SPIDR: variants seen among roughly 807,000 people sequenced by gnomAD.
SPIDR encodes the protein scaffold protein involved in DNA repair, also known as DNA repair-scaffolding protein.
SPIDR carries 93 observed loss-of-function variants against 104.6 expected under a neutral mutation model. That is an observed-to-expected ratio of 0.89 (90% CI 0.75 to 1.06). The LOEUF (loss-of-function observed/expected upper bound fraction) is 1.06. Among genes scored for constraint, SPIDR ranks in the 50% least tolerant of loss-of-function variants. SPIDR has a pLI of 0.00. For missense variants in SPIDR, 1,154 were observed against 1,111.2 expected (o/e 1.04, Z -0.55); for synonymous variants, 431 against 416.9 (o/e 1.03, Z -0.41).
chr8:47,700,285 C>T lies in SPIDR; in HGVS notation c.1686-118C>T, dbSNP rs865954595. The T allele has an allele frequency of 1.0e-5, 11 of 1,059,080 alleles. No individual in the cohort carries two copies. The Middle Eastern group carries it at 6.1e-4, about 59-fold the overall frequency. 65.6% of individuals were successfully genotyped at this position (1,059,080 alleles called of 1,614,324 possible). On this transcript the variant is annotated intron_variant, in intron 11 of 19. Transcript: ENST00000297423. ...TCCCCCTCTGAATCGCCACACATCT[C>T]GAATTGTAGTTCCATGGCCTTAGGC...
rs141926718 is a variant in SPIDR, at chr8:47,348,443, G to A, written c.526-47933G>A. Among the ~76,000 whole-genome samples the A allele has an allele frequency of 7.1e-4, 108 of 152,146 alleles. 1 individual carries two copies. In the East Asian group the frequency reaches 0.019, roughly 27 times the overall value. On this transcript the variant is annotated intron_variant, in intron 5 of 19. Coordinates refer to ENST00000297423, the MANE Select transcript of SPIDR (RefSeq NM_001080394.4). ...TATGTGTCTTGGAGTTGCTCTTCTCGAGGAGTATCTTTGTGTCGTTCTCTG... is the reference window on the plus strand; with the variant it reads ...TATGTGTCTTGGAGTTGCTCTTCTCAAGGAGTATCTTTGTGTCGTTCTCTG...
intron 10 of SPIDR, among the ~76,000 whole-genome samples, chr8:47,645,793 C>A (rs1479159448): frequency 1.3e-5 from 2 of 151,900 alleles, no homozygotes; most frequent in African/African-American, 4.8e-5. Flanking sequence ...AGTAGGTTAG[C>A]CATCTGGAAA....
At chr8:47,718,722 T>C (rs1174874884) in intron 16 of SPIDR, among the ~76,000 whole-genome samples, 5 of 152,172 alleles carry the variant, frequency 3.3e-5, no homozygotes, top group African/African-American at 7.2e-5. Flanking sequence ...TATAGAAATA[T>C]TGAAGAATAG....
chr8:47,303,467 A>G (rs781857378), intron 5 of SPIDR, among the ~76,000 whole-genome samples: 1 of 152,008 alleles, frequency 6.6e-6, no homozygotes, highest in Admixed American at 6.6e-5. Context: ...CCCTCTGTCC[A>G]ACACTCCCCA....
chr8:47,298,988 C>A (rs1554575006), intron 5 of SPIDR, among the ~76,000 whole-genome samples: 19 of 150,476 alleles, frequency 1.3e-4, no homozygotes, highest in Non-Finnish European at 2.1e-4. Flanking sequence ...CAATTCTGTG[C>A]AGAAAGTCAT....
At chr8:47,538,065 C>T (rs183360266) in intron 8 of SPIDR, among the ~76,000 whole-genome samples, 142 of 152,180 alleles carry the variant, frequency 9.3e-4, no homozygotes, top group South Asian at 5.4e-3. Context: ...ATCTCAGCTA[C>T]TCAGGAGGCT....
intron 8 of SPIDR, among the ~76,000 whole-genome samples, chr8:47,587,318 T>C (rs539252202): frequency 6.6e-6 from 1 of 152,266 alleles, no homozygotes; most frequent in South Asian, 2.1e-4. Context: ...CTTGGCACTT[T>C]TGTCAAAAAT....
At chr8:47,425,017 T>G (rs1259518820) in intron 7 of SPIDR, among the ~76,000 whole-genome samples, 1 of 152,222 alleles carries the variant, frequency 6.6e-6, no homozygotes, top group Non-Finnish European at 1.5e-5. Context: ...TTTTGAAATT[T>G]AAGATCACTT....
At chr8:47,282,811 G>T (rs2038053799) in intron 2 of SPIDR, among the ~76,000 whole-genome samples, 1 of 151,624 alleles carries the variant, frequency 6.6e-6, no homozygotes, top group South Asian at 2.1e-4. Flanking sequence ...CTTAGTTTTT[G>T]TCATGCCTTC....
intron 8 of SPIDR, among the ~76,000 whole-genome samples, chr8:47,553,536 C>A (rs2090890729): frequency 6.6e-6 from 1 of 152,176 alleles, no homozygotes; most frequent in South Asian, 2.1e-4. Context: ...TTGATTGAAT[C>A]AGCTTCTGAA....
chr8:47,588,300 C>T (rs2060548494), intron 8 of SPIDR, among the ~76,000 whole-genome samples: 1 of 149,212 alleles, frequency 6.7e-6, no homozygotes, highest in African/African-American at 2.5e-5. Context: ...GTGAGATTCA[C>T]ACTGACATGG....
intron 8 of SPIDR, among the ~76,000 whole-genome samples, chr8:47,520,994 C>T (rs1428515750): frequency 2.0e-5 from 3 of 152,162 alleles, no homozygotes; most frequent in Non-Finnish European, 4.4e-5. Flanking sequence ...TAGACATGGC[C>T]TTGCTCTGAA....
chr8:47,390,666 AT>A (rs1215103888), intron 5 of SPIDR, among the ~76,000 whole-genome samples: 30 of 150,550 alleles, frequency 2.0e-4, no homozygotes, highest in African/African-American at 6.6e-4. Flanking sequence ...TCTACTTGTT[AT>A]TTTTTTTTCC....
intron 10 of SPIDR, chr8:47,654,054 G>T (rs771613788): frequency 1.6e-6 from 2 of 1,289,428 alleles, no homozygotes; most frequent in African/African-American, 1.5e-5. Flanking sequence ...ACAGATAGGG[G>T]CGTGGTAGCA....
chr8:47,716,810 T>A (rs2082648612), intron 16 of SPIDR, among the ~76,000 whole-genome samples: 1 of 152,046 alleles, frequency 6.6e-6, no homozygotes, highest in Non-Finnish European at 1.5e-5. Context: ...CTGGGAGCAG[T>A]TATAAACCCT....
intron 7 of SPIDR, among the ~76,000 whole-genome samples, chr8:47,439,478 G>A (rs1743351011): frequency 6.6e-6 from 1 of 152,104 alleles, no homozygotes; most frequent in Non-Finnish European, 1.5e-5. Flanking sequence ...GTGTTCTGTT[G>A]TATGAACACA....
At chr8:47,315,256 G>A (rs189787554) in intron 5 of SPIDR, among the ~76,000 whole-genome samples, 21 of 152,028 alleles carry the variant, frequency 1.4e-4, no homozygotes, top group African/African-American at 4.8e-4. Flanking sequence ...AACTAAAATA[G>A]AGTGTACATT....
chr8:47,422,898 T>A (rs1445684602), intron 7 of SPIDR, among the ~76,000 whole-genome samples: 1 of 152,228 alleles, frequency 6.6e-6, no homozygotes, highest in Non-Finnish European at 1.5e-5. Flanking sequence ...CTTGTAACTT[T>A]TAAGAATCAA....
At chr8:47,704,487 C>T (rs1045132630) in intron 14 of SPIDR, among the ~76,000 whole-genome samples, 24 of 152,228 alleles carry the variant, frequency 1.6e-4, no homozygotes, top group Admixed American at 1.3e-3. Context: ...CCTGGCTCCA[C>T]GGTCCCTCAG....
Sources: allele counts gnomAD v4.1 joint callset (sites outside exome capture counted in the v4.1 genomes callset), GRCh38; gene constraint gnomAD v4.1.1; transcripts MANE v1.5; gene names NCBI Gene and HGNC (gene_info 2026-07-23, HGNC 2026-07-21).